Variants in RAMP2 observed in about 807,000 individuals in gnomAD.
The protein encoded by RAMP2 is receptor activity-modifying protein 2.
In RAMP2, 11 loss-of-function variants were observed where a neutral mutation model predicts 18.2. The ratio of observed to expected loss-of-function variants is 0.60; its 90% CI spans 0.38 to 1.00. The LOEUF (loss-of-function observed/expected upper bound fraction) is 1.00. RAMP2 is among the 50% of genes least tolerant of loss of function. The pLI, the probability that RAMP2 is intolerant of heterozygous loss-of-function variation, is 0.01. For synonymous variants in RAMP2, 86 were observed against 90.8 expected, an observed-to-expected ratio of 0.95 and a Z score of 0.30; for missense variants, 191 against 226.5, an observed-to-expected ratio of 0.84 and a Z score of 1.01.
Position 42,762,900 on chromosome 17 carries a change from C to T in RAMP2, c.*48C>T, listed in dbSNP as rs755706645. The T allele has an allele frequency of 1.1e-5, 17 of 1,519,276 alleles. No individual in the cohort carries two copies. In the South Asian group the frequency reaches 1.5e-4, roughly 14 times the overall value. 94.1% of individuals were successfully genotyped at this position (1,519,276 alleles called of 1,614,324 possible). On this transcript the variant is annotated 3_prime_UTR_variant, in exon 4 of 4. Transcript: ENST00000253796. ...CCATGTTACTCCACTTCCCCACCCCCACCAGGCCTCCCTCCTCCCCTCCTA... is the reference window on the plus strand; with the variant it reads ...CCATGTTACTCCACTTCCCCACCCCTACCAGGCCTCCCTCCTCCCCTCCTA...
At position 42,761,261 on chromosome 17, in the gene RAMP2, G is replaced by C. The variant is rs1384498822; in HGVS notation, c.-1G>C. 4.1e-6 allele frequency: 6 copies of C among 1,456,904 alleles called. No homozygotes were observed. Among genetic ancestry groups the C allele is most frequent in the Non-Finnish European group, 5.4e-6 (6 of 1,110,242 alleles). 90.2% of individuals were successfully genotyped at this position (1,456,904 alleles called of 1,614,324 possible). A position where few individuals can be genotyped will look rare whatever the true frequency, so the allele number is the denominator to read the frequency against. On this transcript the variant is annotated 5_prime_UTR_variant, in exon 1 of 4. Transcript: ENST00000253796. The surrounding 1 kb of genome is among the most constrained non-coding windows in gnomAD (Gnocchi z 4.2). Reference sequence around the variant, plus strand: ...GCCGCTCCTCGCCTCCTTGCTGCACGATGGCCTCGCTCCGGGTGGAGCGCG... The same window carrying C: ...GCCGCTCCTCGCCTCCTTGCTGCACCATGGCCTCGCTCCGGGTGGAGCGCG...
In RAMP2 at chr17:42,761,254, G is replaced by C. The variant is rs2054361731; in HGVS notation, c.-8G>C. On this transcript the variant is annotated 5_prime_UTR_variant, in exon 1 of 4. Transcript: ENST00000253796. This position sits in a 1 kb window ranked among gnomAD's most constrained non-coding sequence, Gnocchi z 4.2. ...CGCCGCCGCCGCTCCTCGCCTCCTT[G>C]CTGCACGATGGCCTCGCTCCGGGTG... 6.9e-7 allele frequency: 1 copy of C among 1,458,188 alleles called. No individual in the cohort carries two copies. The highest frequency in any genetic ancestry group is 1.3e-5 in the South Asian group (1 of 76,472). 90.3% of individuals were successfully genotyped at this position (1,458,188 alleles called of 1,614,324 possible). A position where few individuals can be genotyped will look rare whatever the true frequency, so the allele number is the denominator to read the frequency against.
At position 42,762,779 on chromosome 17, in the gene RAMP2, C is replaced by T; in HGVS notation, c.455C>T (p.Ala152Val). The T allele has an allele frequency of 6.2e-7, 1 of 1,613,964 alleles. No homozygotes were observed. The highest frequency in any genetic ancestry group is 8.5e-7 in the Non-Finnish European group (1 of 1,179,914). ...PEDVLLAMII[A>V]PICLIPFLIT... ...GATGTACTCCTGGCCATGATCATAG[C>T]CCCCATCTGCCTCATCCCCTTCCTC... The change falls in exon 4 of 4, where the codon GCC (alanine) becomes GTC (valine). Residue 152 changes from alanine to valine, a missense_variant. Coordinates refer to ENST00000253796, the MANE Select transcript of RAMP2 (RefSeq NM_005854.3).
At chr17:42,762,159 G>A (rs1056746321) in intron 2 of RAMP2, among the ~76,000 whole-genome samples, 196 bp from the exon 3 acceptor site, 1 of 152,208 alleles carries the variant, frequency 6.6e-6, no homozygotes, top group Admixed American at 6.5e-5. Context: ...GGCTGGGATG[G>A]AAAGTGCTTA....
intron 3 of RAMP2, 41 bp downstream of exon 3, chr17:42,762,504 A>G: frequency 1.2e-6 from 2 of 1,611,866 alleles, no homozygotes; most frequent in Non-Finnish European, 1.7e-6. Context: ...CAGGGGGTGG[A>G]CCTGCTCATT....
At position 42,762,652 on chromosome 17, in the gene RAMP2, G is replaced by A. The variant is rs575263689; in HGVS notation, c.328G>A (p.Gly110Ser). 8 of 1,613,968 alleles carry A rather than the reference G, an allele frequency of 5.0e-6. No homozygotes were observed. The South Asian group carries it at 8.8e-5, about 18-fold the overall frequency. Residue 110 changes from glycine (G) to serine (S), a missense_variant, in exon 4 of 4, where the codon GGC (glycine) becomes AGC (serine). Physicochemically the swap from Gly to Ser is moderately conservative, Grantham distance 56. Coordinates refer to ENST00000253796, the MANE Select transcript of RAMP2 (RefSeq NM_005854.3). Reference sequence around the variant, plus strand: ...GCACTTTGCAGAGTTGTTTGACCTGGGCTTCCCCAATCCCTTGGCAGAGAG... The same window carrying A: ...GCACTTTGCAGAGTTGTTTGACCTGAGCTTCCCCAATCCCTTGGCAGAGAG... The part of the protein sequence containing the change: ...LEHFAELFDL[G>S]FPNPLAERII...
Position 42,762,907 on chromosome 17 carries a change from C to T in RAMP2, c.*55C>T. The T allele has an allele frequency of 4.7e-6, 7 of 1,492,340 alleles. No homozygotes were observed. The highest frequency in any genetic ancestry group is 6.4e-6 in the Non-Finnish European group (7 of 1,100,650). The allele number at this position is 1,492,340 out of a possible 1,614,324, so 92.4% of individuals were successfully genotyped here. On this transcript the variant is annotated 3_prime_UTR_variant, in exon 4 of 4. Transcript: ENST00000253796. ...ACTCCACTTCCCCACCCCCACCAGG[C>T]CTCCCTCCTCCCCTCCTACTCCCTT...
chr17:42,762,741 T>A lies in RAMP2; in HGVS notation c.417T>A (p.Ser139=), dbSNP rs926002503. The change falls in exon 4 of 4, where the codon TCT becomes TCA. Residue 139 remains serine (S), a synonymous_variant. Transcript: ENST00000253796. The part of the protein sequence containing the change: ...ANCSLVQPTF[S]DPPEDVLLAM... ...GCTCCCTGGTGCAGCCCACCTTCTC[T>A]GACCCCCCAGAGGATGTACTCCTGG... 1.9e-6 allele frequency: 3 copies of A among 1,614,018 alleles called. No individual in the cohort carries two copies. Among genetic ancestry groups the A allele is most frequent in the Non-Finnish European group, 1.7e-6 (2 of 1,180,010 alleles).
rs2054366915 is a variant in RAMP2, at chr17:42,761,810, C to T, written c.98-24C>T. Reference sequence around the variant, plus strand: ...CTGCCGGGGTCCCCGCTATGTTACCCTCCTCTCCCGTTTCTTCCCACAGCT... The same window carrying T: ...CTGCCGGGGTCCCCGCTATGTTACCTTCCTCTCCCGTTTCTTCCCACAGCT... On this transcript the variant is annotated intron_variant, in intron 1 of 3. Transcript: ENST00000253796. The surrounding 1 kb of genome is among the most constrained non-coding windows in gnomAD (Gnocchi z 4.2). 1 of 1,552,940 alleles carries T rather than the reference C, an allele frequency of 6.4e-7. No individual in the cohort carries two copies. The highest frequency in any genetic ancestry group is 8.9e-7 in the Non-Finnish European group (1 of 1,124,502).
At position 42,762,926 on chromosome 17, in the gene RAMP2, C is replaced by T. The variant is rs1246779985; in HGVS notation, c.*74C>T. 1 of 1,427,176 alleles carries T rather than the reference C, an allele frequency of 7.0e-7. No individual in the cohort carries two copies. Among genetic ancestry groups the T allele is most frequent in the African/African-American group, 1.4e-5 (1 of 70,084 alleles). 88.4% of individuals were successfully genotyped at this position (1,427,176 alleles called of 1,614,324 possible). ...ACCAGGCCTCCCTCCTCCCCTCCTA[C>T]TCCCTTTTCTCACTCTCATCCCCAC... On this transcript the variant is annotated 3_prime_UTR_variant, in exon 4 of 4. Coordinates refer to ENST00000253796, the MANE Select transcript of RAMP2 (RefSeq NM_005854.3).
In RAMP2 at chr17:42,762,450, G is replaced by C; in HGVS notation, c.259G>C (p.Ala87Pro). ...DPIEKDWCDW[A>P]MISRPYSTLR... ...TATCGAAAAGGATTGGTGCGACTGG[G>C]CCATGATTAGCAGGTAGGGGCAGTG... The change falls in exon 3 of 4, where the codon GCC becomes CCC. Residue 87 changes from alanine to proline, a missense_variant. Coordinates refer to ENST00000253796, the MANE Select transcript of RAMP2 (RefSeq NM_005854.3). 6.2e-7 allele frequency: 1 copy of C among 1,614,060 alleles called. No individual in the cohort carries two copies. The highest frequency in any genetic ancestry group is 8.5e-7 in the Non-Finnish European group (1 of 1,179,968).
rs148106984 is a variant in RAMP2 at position 42,762,814 on chromosome 17, G to T, written c.490G>T (p.Val164Leu). The T allele has an allele frequency of 6.2e-7, 1 of 1,612,722 alleles. No homozygotes were observed. Among genetic ancestry groups the T allele is most frequent in the Non-Finnish European group, 8.5e-7 (1 of 1,179,262 alleles). Residue 164 changes from valine (V) to leucine (L), a missense_variant, in exon 4 of 4, where the codon GTA (valine) becomes TTA (leucine). Transcript: ENST00000253796. Reference protein sequence around the residue: ...ICLIPFLITLVVWRSKDSEAQ... With the variant: ...ICLIPFLITLLVWRSKDSEAQ... Reference sequence around the variant, plus strand: ...CCTCATCCCCTTCCTCATCACTCTTGTAGTATGGAGGAGTAAAGACAGTGA... The same window carrying T: ...CCTCATCCCCTTCCTCATCACTCTTTTAGTATGGAGGAGTAAAGACAGTGA...
rs746036545 is a variant in RAMP2, at chr17:42,762,481, G to A, written c.272+18G>A. The A allele has an allele frequency of 1.9e-6, 3 of 1,613,790 alleles. No individual in the cohort carries two copies. The highest frequency in any genetic ancestry group is 2.5e-6 in the Non-Finnish European group (3 of 1,179,768). ...ATTAGCAGGTAGGGGCAGTGATGGA[G>A]GGTGGCTCAGGCCAGGGGGTGGACC... On this transcript the variant is annotated intron_variant, in intron 3 of 3. Coordinates refer to ENST00000253796, the MANE Select transcript of RAMP2 (RefSeq NM_005854.3).
Position 42,762,444 on chromosome 17 carries a change from G to T in RAMP2, c.253G>T (p.Asp85Tyr). The change falls in exon 3 of 4, where the codon GAC becomes TAC. Residue 85 changes from aspartate to tyrosine, a missense_variant. Transcript: ENST00000253796. ...QMDPIEKDWC[D>Y]WAMISRPYST... is the part of the protein sequence containing the mutation. ...GGATCCTATCGAAAAGGATTGGTGC[G>T]ACTGGGCCATGATTAGCAGGTAGGG... The T allele has an allele frequency of 6.2e-7, 1 of 1,614,056 alleles. No homozygotes were observed. Among genetic ancestry groups the T allele is most frequent in the Non-Finnish European group, 8.5e-7 (1 of 1,179,974 alleles).
At chr17:42,762,174 A>G (rs980613166) in intron 2 of RAMP2, among the ~76,000 whole-genome samples, 181 bp from the exon 3 acceptor site, 2 of 152,214 alleles carry the variant, frequency 1.3e-5, no homozygotes, top group Non-Finnish European at 2.9e-5. Flanking sequence ...TGCTTAGCAC[A>G]TGGAAGTCAT....
chr17:42,761,415 G>A lies in RAMP2; in HGVS notation c.97+57G>A, dbSNP rs2054363729. 2.5e-6 allele frequency: 3 copies of A among 1,212,432 alleles called. No individual in the cohort carries two copies. The highest frequency in any genetic ancestry group is 4.1e-5 in the Admixed American group (1 of 24,198). 75.1% of individuals were successfully genotyped at this position (1,212,432 alleles called of 1,614,324 possible). ...GGCGCGAGAGGCCCCGGAGGGGAGA[G>A]GGGAGAGGGGAGAGGGGCTGGATGG... On this transcript the variant is annotated intron_variant, in intron 1 of 3. Coordinates refer to ENST00000253796, the MANE Select transcript of RAMP2 (RefSeq NM_005854.3). This position sits in a 1 kb window ranked among gnomAD's most constrained non-coding sequence, Gnocchi z 4.2.
rs1353840458 is a variant in RAMP2 at position 42,761,507 on chromosome 17, C to G, written c.97+149C>G. ...GTACCTAGCAGCACTGGCCCTCGGA[C>G]GGTCCCTGACCCCACCTCGGGGCGG... On this transcript the variant is annotated intron_variant, in intron 1 of 3. Transcript: ENST00000253796. This position sits in a 1 kb window ranked among gnomAD's most constrained non-coding sequence, Gnocchi z 4.2. 2 of 713,310 alleles carry G rather than the reference C, an allele frequency of 2.8e-6. No homozygotes were observed. The highest frequency in any genetic ancestry group is 6.1e-5 in the East Asian group (2 of 32,524). 44.2% of individuals were successfully genotyped at this position (713,310 alleles called of 1,614,324 possible).
In RAMP2 at chr17:42,761,980, C is replaced by A; in HGVS notation, c.163+81C>A. ...TGGGGAGGGTTCCTTTCCCACGAGG[C>A]CTGCCCAACCCCAGCTGATGCCCCA... On this transcript the variant is annotated intron_variant, in intron 2 of 3. Transcript: ENST00000253796. The surrounding 1 kb of genome is among the most constrained non-coding windows in gnomAD (Gnocchi z 4.2). 1 of 1,314,350 alleles carries A rather than the reference C, an allele frequency of 7.6e-7. No individual in the cohort carries two copies. The allele number at this position is 1,314,350 out of a possible 1,614,324, so 81.4% of individuals were successfully genotyped here.
chr17:42,762,933 T>C lies in RAMP2; in HGVS notation c.*81T>C. The C allele has an allele frequency of 7.1e-7, 1 of 1,408,882 alleles. No individual in the cohort carries two copies. Among genetic ancestry groups the C allele is most frequent in the Non-Finnish European group, 9.6e-7 (1 of 1,040,518 alleles). 87.3% of individuals were successfully genotyped at this position (1,408,882 alleles called of 1,614,324 possible). A position where few individuals can be genotyped will look rare whatever the true frequency, so the allele number is the denominator to read the frequency against. Reference sequence around the variant, plus strand: ...CTCCCTCCTCCCCTCCTACTCCCTTTTCTCACTCTCATCCCCACCACAGAT... The same window carrying C: ...CTCCCTCCTCCCCTCCTACTCCCTTCTCTCACTCTCATCCCCACCACAGAT... On this transcript the variant is annotated 3_prime_UTR_variant, in exon 4 of 4. Transcript: ENST00000253796.
Sources: allele counts gnomAD v4.1 joint callset (sites outside exome capture counted in the v4.1 genomes callset), GRCh38; gene constraint gnomAD v4.1.1; non-coding constraint Gnocchi (gnomAD v3.1); transcripts MANE v1.5; gene names NCBI Gene and HGNC (gene_info 2026-07-23, HGNC 2026-07-21).